RABEP1: variants seen among roughly 807,000 people sequenced by gnomAD.
The protein encoded by RABEP1 is rab GTPase-binding effector protein 1.
A neutral mutation model predicts 123.4 loss-of-function variants in RABEP1; 51 were observed. The observed-to-expected ratio is 0.41, with a 90% CI of 0.33 to 0.52. The LOEUF (loss-of-function observed/expected upper bound fraction) is 0.52, where lower values mean the gene tolerates loss of function less well. RABEP1 is among the 20% of genes least tolerant of loss of function. The probability of loss-of-function intolerance (pLI) is 0.16; values close to 1 mark genes in which losing one functional copy is unlikely to be tolerated. For synonymous variants in RABEP1, 347 were observed against 355.2 expected, an observed-to-expected ratio of 0.98 and a Z score of 0.26; for missense variants, 888 against 996.3, an observed-to-expected ratio of 0.89 and a Z score of 1.46.
Position 5,342,218 on chromosome 17 carries a change from A to G in RABEP1, c.648+4080A>G, listed in dbSNP as rs111500359. On this transcript the variant is annotated intron_variant, in intron 5 of 17. Transcript: ENST00000537505. ...AAAGATTGATCCTATTCACAAGAGT[A>G]AAAAAAAAGAAAAAAAAGAAAAAGA... Among the ~76,000 whole-genome samples the G allele has an allele frequency of 4.2e-3, 642 of 151,262 alleles. 3 individuals are homozygous for G. The highest frequency in any genetic ancestry group is 0.015 in the African/African-American group (622 of 41,016).
rs767319915 is a variant in RABEP1 at position 5,365,257 on chromosome 17, A to T, written c.1785+19A>T. ...TCACCAGGTAAGGGAGGGTTTATAG[A>T]CTGTGGCCCATGAGGGATGACTGGG... On this transcript the variant is annotated intron_variant, in intron 11 of 17. Transcript: ENST00000537505. 6.6e-7 allele frequency: 1 copy of T among 1,507,504 alleles called. No individual in the cohort carries two copies. The highest frequency in any genetic ancestry group is 9.0e-7 in the Non-Finnish European group (1 of 1,110,938). 93.4% of individuals were successfully genotyped at this position (1,507,504 alleles called of 1,614,324 possible).
In RABEP1 at chr17:5,377,024, C is replaced by T. The variant is rs957758479; in HGVS notation, c.2026-92C>T. The T allele has an allele frequency of 2.2e-6, 3 of 1,337,238 alleles. No individual in the cohort carries two copies. In the African/African-American group the frequency reaches 4.5e-5, roughly 20 times the overall value. 82.8% of individuals were successfully genotyped at this position (1,337,238 alleles called of 1,614,324 possible). ...AGTCTTAATTTTTGAACCATTAAAACAACATCTGAGATTCTGGTTACAGAA... is the reference window on the plus strand; with the variant it reads ...AGTCTTAATTTTTGAACCATTAAAATAACATCTGAGATTCTGGTTACAGAA... On this transcript the variant is annotated intron_variant, in intron 13 of 17. Coordinates refer to ENST00000537505, the MANE Select transcript of RABEP1 (RefSeq NM_004703.6).
chr17:5,333,635 A>G (rs1377890508), intron 3 of RABEP1, among the ~76,000 whole-genome samples: 2 of 152,160 alleles, frequency 1.3e-5, no homozygotes, highest in Non-Finnish European at 1.5e-5. Flanking sequence ...AACAAACCCA[A>G]CTACAGTGGC....
At position 5,385,701 on chromosome 17, in the gene RABEP1, G is replaced by A. The variant is rs556464341; in HGVS notation, c.*2478G>A. 1.9e-4 allele frequency: 43 copies of A among 231,378 alleles called. No individual in the cohort carries two copies. The highest frequency in any genetic ancestry group is 8.8e-4 in the African/African-American group (40 of 45,344). The allele number at this position is 231,378 out of a possible 1,614,324, so 14.3% of individuals were successfully genotyped here. ...AGCCAGCAGTGGCCTTTGCAATTGT[G>A]GATCTTGAGCTCTGCTCTCAGCAGA... On this transcript the variant is annotated 3_prime_UTR_variant, in exon 18 of 18. Coordinates refer to ENST00000537505, the MANE Select transcript of RABEP1 (RefSeq NM_004703.6).
chr17:5,322,769 A>G (rs553709661), intron 2 of RABEP1, among the ~76,000 whole-genome samples: 1 of 152,336 alleles, frequency 6.6e-6, no homozygotes, highest in Non-Finnish European at 1.5e-5. Context: ...CATTAACATA[A>G]CCAAGAACAA....
chr17:5,372,049 C>T (rs553247601), intron 12 of RABEP1, among the ~76,000 whole-genome samples: 2 of 152,098 alleles, frequency 1.3e-5, no homozygotes, highest in East Asian at 1.9e-4. Context: ...ATCTGATACT[C>T]GGATTTGGTG....
At chr17:5,336,407 A>G in intron 4 of RABEP1, 1 of 455,474 alleles carries the variant, frequency 2.2e-6, no homozygotes, top group East Asian at 6.0e-5. Flanking sequence ...GCCTCTATCA[A>G]TTTATTCTTA....
chr17:5,372,447 T>TC (rs1392365543), intron 12 of RABEP1, among the ~76,000 whole-genome samples: 3 of 152,050 alleles, frequency 2.0e-5, no homozygotes, highest in African/African-American at 7.2e-5. Flanking sequence ...CGAGACTGTC[T>TC]CAAAAGAAAA....
intron 4 of RABEP1, among the ~76,000 whole-genome samples, chr17:5,335,768 T>G (rs1237578166): frequency 6.6e-6 from 1 of 152,178 alleles, no homozygotes; most frequent in Non-Finnish European, 1.5e-5. Flanking sequence ...CAGGAGTTTC[T>G]CTTTCTCTCT....
chr17:5,360,096 C>T lies in RABEP1; in HGVS notation c.1096-1112C>T, dbSNP rs138969587. ...GACCTCATAACCCATTAGAGTCACT[C>T]GCCATTTTCCCTTTGCCCTAGCCTC... is the stretch of plus-strand genomic sequence containing the variant. On this transcript the variant is annotated intron_variant, in intron 8 of 17. Transcript: ENST00000537505. Among the ~76,000 whole-genome samples the T allele has an allele frequency of 2.0e-4, 31 of 152,328 alleles. No homozygotes were observed. In the East Asian group the frequency reaches 4.2e-3, roughly 21 times the overall value.
chr17:5,382,956 G>A (rs9891659), intron 17 of RABEP1, among the ~76,000 whole-genome samples, 166 bp from the exon 18 acceptor site: 3,634 of 152,048 alleles, frequency 0.024, 146 homozygotes, highest in African/African-American at 0.083. Context: ...TCCGTTACAC[G>A]GTAGCTTTGG....
intron 5 of RABEP1, among the ~76,000 whole-genome samples, chr17:5,340,567 G>A (rs1907504413): frequency 6.6e-6 from 1 of 150,644 alleles, no homozygotes; most frequent in Non-Finnish European, 1.5e-5. Context: ...TAAAATGCTT[G>A]GACATGAAAA....
intron 4 of RABEP1, among the ~76,000 whole-genome samples, chr17:5,335,625 C>T (rs1299008738): frequency 6.6e-6 from 1 of 152,160 alleles, no homozygotes; most frequent in Non-Finnish European, 1.5e-5. Flanking sequence ...CCTGTCACTA[C>T]TCTCCTCTCC....
chr17:5,341,034 TA>T (rs1318462211), intron 5 of RABEP1, among the ~76,000 whole-genome samples: 1 of 149,502 alleles, frequency 6.7e-6, no homozygotes, highest in Non-Finnish European at 1.5e-5. Flanking sequence ...AAAAGAACAA[TA>T]GAGACTATCA....
At chr17:5,301,445 C>T (rs1462547389) in intron 1 of RABEP1, among the ~76,000 whole-genome samples, 3 of 152,074 alleles carry the variant, frequency 2.0e-5, no homozygotes, top group African/African-American at 4.8e-5. Flanking sequence ...GATTGATAGA[C>T]AGCCATGGAT....
chr17:5,329,845 A>ATATATAT (rs1906362950), intron 2 of RABEP1, among the ~76,000 whole-genome samples: 4 of 144,470 alleles, frequency 2.8e-5, no homozygotes, highest in Admixed American at 6.9e-5. Flanking sequence ...ATATATATAT[A>ATATATAT]ACTAAAGTTA....
chr17:5,383,487 GA>G lies in RABEP1; in HGVS notation c.*269del. 2.4e-6 allele frequency: 1 copy of G among 411,820 alleles called. No homozygotes were observed. 25.5% of individuals were successfully genotyped at this position (411,820 alleles called of 1,614,324 possible). A position where few individuals can be genotyped will look rare whatever the true frequency, so the allele number is the denominator to read the frequency against. Reference sequence around the variant, plus strand: ...AGGCGTGGGATCAGATTTGGTGATGGAAAAAGCGCTGTTTCCTTGCCTGCTT... The same window carrying G: ...AGGCGTGGGATCAGATTTGGTGATGGAAAAGCGCTGTTTCCTTGCCTGCTT... On this transcript the variant is annotated 3_prime_UTR_variant, in exon 18 of 18. Transcript: ENST00000537505.
At chr17:5,336,102 T>C (rs531359048) in intron 4 of RABEP1, among the ~76,000 whole-genome samples, 67 of 152,378 alleles carry the variant, frequency 4.4e-4, no homozygotes, top group Non-Finnish European at 8.4e-4. Flanking sequence ...TTAGCTAGTT[T>C]AAATAAACTT....
At chr17:5,321,949 A>G (rs1446291839) in intron 2 of RABEP1, among the ~76,000 whole-genome samples, 2 of 152,238 alleles carry the variant, frequency 1.3e-5, no homozygotes, top group Non-Finnish European at 2.9e-5. Context: ...CTCTAATCCC[A>G]GCACTTTGGG....
Sources: gnomAD v4.1 joint callset for allele counts (sites outside exome capture counted in the v4.1 genomes callset) on GRCh38, gnomAD v4.1.1 for gene constraint, MANE v1.5 for transcripts, NCBI Gene and HGNC (gene_info 2026-07-23, HGNC 2026-07-21) for gene names.